UBE3C: variants seen among roughly 807,000 people sequenced by gnomAD.
The protein encoded by UBE3C is ubiquitin protein ligase E3C, also known as ubiquitin-protein ligase E3C.
UBE3C carries 42 observed loss-of-function variants against 129.4 expected under a neutral mutation model. The ratio of observed to expected loss-of-function variants is 0.32; its 90% CI spans 0.25 to 0.42. The LOEUF is 0.42. Among genes scored for constraint, UBE3C ranks in the 10% least tolerant of loss-of-function variants. The pLI, the probability that UBE3C is intolerant of heterozygous loss-of-function variation, is 1.00. For missense variants in UBE3C, 1,049 were observed against 1,319.1 expected (o/e 0.80, Z 3.17); for synonymous variants, 510 against 492.4 (o/e 1.04, Z -0.47).
At chr7:157,206,739 C>T (rs1190982649) in intron 11 of UBE3C, among the ~76,000 whole-genome samples, 1 of 151,980 alleles carries the variant, frequency 6.6e-6, no homozygotes, top group African/African-American at 2.4e-5. Flanking sequence ...ACTACAGGCA[C>T]CTATCACCAC....
chr7:157,170,908 G>A (rs548387995), intron 4 of UBE3C, among the ~76,000 whole-genome samples: 3 of 152,230 alleles, frequency 2.0e-5, no homozygotes, highest in African/African-American at 7.2e-5. Flanking sequence ...CCAGGCTTAA[G>A]CAGTCCTCCC....
At chr7:157,202,274 G>A (rs1455656612) in intron 11 of UBE3C, among the ~76,000 whole-genome samples, 7 of 152,152 alleles carry the variant, frequency 4.6e-5, no homozygotes, top group Admixed American at 3.3e-4. Flanking sequence ...TTTTAACTGA[G>A]TATGTAATAG....
Position 157,171,686 on chromosome 7 carries a change from ATTTTT to A in UBE3C, c.342+1270_342+1274del, listed in dbSNP as rs77471740. Among the ~76,000 whole-genome samples, 188 of 37,568 alleles carry A rather than the reference ATTTTT, an allele frequency of 5.0e-3. 7 individuals are homozygous for A. Among genetic ancestry groups the A allele is most frequent in the Non-Finnish European group, 7.9e-3 (150 of 18,986 alleles). The allele number at this position is 37,568 out of a possible 152,430, so 24.6% of individuals were successfully genotyped here. ...TATATATATATATATATATATATATATTTTTTTTTTTTTTTTTTTTTTTTTTTTTT... is the reference window on the plus strand; with the variant it reads ...TATATATATATATATATATATATATATTTTTTTTTTTTTTTTTTTTTTTTT... On this transcript the variant is annotated intron_variant, in intron 4 of 22. Coordinates refer to ENST00000348165, the MANE Select transcript of UBE3C (RefSeq NM_014671.3).
intron 1 of UBE3C, chr7:157,140,142 G>C (rs1213471307): frequency 2.0e-6 from 1 of 500,340 alleles, no homozygotes; most frequent in East Asian, 1.5e-4. Flanking sequence ...GTTGAACACT[G>C]TGTGGTCTTG....
chr7:157,141,735 C>T (rs1203768575), intron 1 of UBE3C, among the ~76,000 whole-genome samples: 5 of 152,170 alleles, frequency 3.3e-5, no homozygotes, highest in East Asian at 1.9e-4. Context: ...TGTAGATGAG[C>T]GTTACCTGTT....
At chr7:157,183,546 A>G (rs1174007348) in intron 8 of UBE3C, among the ~76,000 whole-genome samples, 2 of 151,884 alleles carry the variant, frequency 1.3e-5, no homozygotes, top group Non-Finnish European at 2.9e-5. Context: ...GAAAGTTCCA[A>G]CCCTCTGATC....
At chr7:157,166,449 A>T (rs1402898338) in intron 2 of UBE3C, among the ~76,000 whole-genome samples, 1 of 152,182 alleles carries the variant, frequency 6.6e-6, no homozygotes, top group East Asian at 1.9e-4. Flanking sequence ...TTTAAAATCA[A>T]TATTTTGAGG....
intron 1 of UBE3C, among the ~76,000 whole-genome samples, chr7:157,152,253 G>A (rs1327061380): frequency 6.6e-6 from 1 of 152,096 alleles, no homozygotes; most frequent in African/African-American, 2.4e-5. Flanking sequence ...AAGGTAATTA[G>A]GGACAGAGCT....
At chr7:157,160,437 T>C (rs1808039848) in intron 1 of UBE3C, among the ~76,000 whole-genome samples, 1 of 152,170 alleles carries the variant, frequency 6.6e-6, no homozygotes, top group South Asian at 2.1e-4. Context: ...ATGCCTTCTG[T>C]TTGTGACCAG....
At chr7:157,156,257 A>AAAATACT (rs1459944333) in intron 1 of UBE3C, among the ~76,000 whole-genome samples, 1 of 151,798 alleles carries the variant, frequency 6.6e-6, no homozygotes, top group Non-Finnish European at 1.5e-5. Context: ...ACAGTCAAAT[A>AAAATACT]AAATACTAGA....
At chr7:157,201,872 T>C in intron 11 of UBE3C, 65 bp downstream of exon 11, 2 of 1,390,856 alleles carry the variant, frequency 1.4e-6, no homozygotes, top group Non-Finnish European at 2.0e-6. Flanking sequence ...TAATCAAAAA[T>C]GTTGCCAGAA....
chr7:157,225,037 CAG>C (rs773204112), intron 16 of UBE3C, among the ~76,000 whole-genome samples: 20 of 151,940 alleles, frequency 1.3e-4, no homozygotes, highest in Non-Finnish European at 2.1e-4. Context: ...ATTTTTGAGA[CAG>C]AGATTCACTC....
intron 1 of UBE3C, among the ~76,000 whole-genome samples, chr7:157,151,299 TCTTAC>T: frequency 6.6e-6 from 1 of 152,346 alleles, no homozygotes; most frequent in East Asian, 1.9e-4. Context: ...CCTTCTTACC[TCTTAC>T]CTTCTGTATC....
chr7:157,175,139 T>A, intron 5 of UBE3C, 105 bp downstream of exon 5: 16 of 369,338 alleles, frequency 4.3e-5, no homozygotes, highest in Non-Finnish European at 6.0e-5. Context: ...TTTCCATACT[T>A]TTTTTTTTTT....
intron 11 of UBE3C, among the ~76,000 whole-genome samples, chr7:157,204,490 A>G (rs938898553): frequency 2.6e-5 from 4 of 151,938 alleles, no homozygotes; most frequent in African/African-American, 7.3e-5. Context: ...CAAGCTTATC[A>G]GGTAATCGAG....
At chr7:157,204,398 C>CAAAAAAAAAAA (rs35298527) in intron 11 of UBE3C, among the ~76,000 whole-genome samples, 8,109 of 84,872 alleles carry the variant, frequency 0.096, 361 homozygotes, top group Admixed American at 0.14. Context: ...AACTTTGTTT[C>CAAAAAAAAAAA]AAAAAAAAAA....
intron 1 of UBE3C, among the ~76,000 whole-genome samples, chr7:157,141,401 C>T (rs139663360): frequency 6.6e-6 from 1 of 152,154 alleles, no homozygotes; most frequent in Non-Finnish European, 1.5e-5. Context: ...TGTCACTAGT[C>T]CAGTTGGTTG....
chr7:157,158,409 G>T (rs1353462117), intron 1 of UBE3C, among the ~76,000 whole-genome samples: 1 of 152,178 alleles, frequency 6.6e-6, no homozygotes, highest in Admixed American at 6.6e-5. Context: ...CAAACAGGTT[G>T]AAAGTAGATG....
intron 13 of UBE3C, 92 bp from the exon 14 acceptor site, chr7:157,216,775 G>A (rs185553208): frequency 7.3e-5 from 73 of 1,001,686 alleles, no homozygotes; most frequent in African/African-American, 1.6e-4. Flanking sequence ...CTGCACCACC[G>A]CTGTGTGCTC....
Sources: gnomAD v4.1 joint callset for allele counts (sites outside exome capture counted in the v4.1 genomes callset) on GRCh38, gnomAD v4.1.1 for gene constraint, MANE v1.5 for transcripts, NCBI Gene and HGNC (gene_info 2026-07-23, HGNC 2026-07-21) for gene names.